The following SNRPD1 variants were observed in gnomAD, a reference collection of about 807,000 sequenced individuals.
The protein encoded by SNRPD1 is small nuclear ribonucleoprotein Sm D1.
A neutral mutation model predicts 14.4 loss-of-function variants in SNRPD1; 1 was observed. The observed-to-expected ratio is 0.07, with a 90% CI of 0.02 to 0.33. SNRPD1 has a LOEUF of 0.33. Among genes scored for constraint, SNRPD1 ranks in the 10% least tolerant of loss-of-function variants. The pLI is 1.00. For synonymous variants in SNRPD1, 42 were observed against 50.3 expected (o/e 0.83, Z 0.70); for missense variants, 52 against 146.4 (o/e 0.36, Z 3.33).
chr18:21,622,696 G>A (rs764175444), intron 1 of SNRPD1, 29 bp from the exon 2 acceptor site: 16 of 1,047,998 alleles, frequency 1.5e-5, no homozygotes, highest in Non-Finnish European at 2.4e-5. Context: ...AAGTGTTACA[G>A]GTAAAAATGG....
rs1451938720 is a variant in SNRPD1 at position 21,630,043 on chromosome 18, T to C, written c.*905T>C. Reference sequence around the variant, plus strand: ...TGTCTAGCTGCTAATGTCTTACTTTTGTTTCTTTTGCTTTTTAATCAGTTC... The same window carrying C: ...TGTCTAGCTGCTAATGTCTTACTTTCGTTTCTTTTGCTTTTTAATCAGTTC... On this transcript the variant is annotated 3_prime_UTR_variant, in exon 4 of 4. Transcript: ENST00000300413. 6.6e-6 allele frequency: 1 copy of C among 152,206 alleles called. No individual in the cohort carries two copies. Among genetic ancestry groups the C allele is most frequent in the South Asian group, 2.1e-4 (1 of 4,836 alleles). 9.4% of individuals were successfully genotyped at this position (152,206 alleles called of 1,614,324 possible). A position where few individuals can be genotyped will look rare whatever the true frequency, so the allele number is the denominator to read the frequency against.
Position 21,612,461 on chromosome 18 carries a change from C to T in SNRPD1, c.14+18C>T. 1 of 1,536,380 alleles carries T rather than the reference C, an allele frequency of 6.5e-7. No individual in the cohort carries two copies. Among genetic ancestry groups the T allele is most frequent in the African/African-American group, 1.4e-5 (1 of 72,104 alleles). On this transcript the variant is annotated intron_variant, in intron 1 of 3. Coordinates refer to ENST00000300413, the MANE Select transcript of SNRPD1 (RefSeq NM_006938.4). ...CTCGTGAGGTGAGGGAGTGACCAAG[C>T]AGCTCTGGGGGCTGTGAAGGGAGGG...
intron 2 of SNRPD1, among the ~76,000 whole-genome samples, chr18:21,623,087 C>T (rs778795013): frequency 7.9e-5 from 12 of 151,688 alleles, no homozygotes; most frequent in South Asian, 2.1e-4. Context: ...CCACCATGCC[C>T]GGGTAAATTT....
chr18:21,623,580 A>G, intron 2 of SNRPD1, among the ~76,000 whole-genome samples, 168 bp from the exon 3 acceptor site: 1 of 152,242 alleles, frequency 6.6e-6, no homozygotes, highest in Non-Finnish European at 1.5e-5. Context: ...CACTGCTGAC[A>G]TTCCCCCATT....
chr18:21,620,574 AT>A (rs2038990008), intron 1 of SNRPD1, among the ~76,000 whole-genome samples: 2 of 152,230 alleles, frequency 1.3e-5, no homozygotes, highest in African/African-American at 4.8e-5. Flanking sequence ...CTTACACTGC[AT>A]AAAAAAGATC....
At chr18:21,625,911 A>G (rs1045951395) in intron 3 of SNRPD1, among the ~76,000 whole-genome samples, 2 of 152,028 alleles carry the variant, frequency 1.3e-5, no homozygotes, top group Non-Finnish European at 2.9e-5. Context: ...GCCTGGCCCA[A>G]AATCTTTTAT....
chr18:21,626,003 A>G (rs2039035738), intron 3 of SNRPD1, among the ~76,000 whole-genome samples: 1 of 152,180 alleles, frequency 6.6e-6, no homozygotes, highest in Non-Finnish European at 1.5e-5. Context: ...ACTATTTCAG[A>G]AGAAATTGAA....
At chr18:21,627,503 G>A (rs980408366) in intron 3 of SNRPD1, among the ~76,000 whole-genome samples, 4 of 142,956 alleles carry the variant, frequency 2.8e-5, no homozygotes, top group Non-Finnish European at 4.5e-5. Context: ...GCCATGGCGC[G>A]ATCTCCACTC....
Position 21,617,280 on chromosome 18 carries a change from A to AC in SNRPD1, c.14+4841dup, listed in dbSNP as rs530302383. Among the ~76,000 whole-genome samples the AC allele has an allele frequency of 4.8e-4, 73 of 151,938 alleles. 2 individuals carry two copies. The South Asian group carries it at 0.015, about 31-fold the overall frequency. ...AGACCAGCCTGACCAACATGGTGAA[A>AC]CCCCGGCTCTACTAAAACAAAAAGA... On this transcript the variant is annotated intron_variant, in intron 1 of 3. Transcript: ENST00000300413.
chr18:21,625,636 A>T (rs531626870), intron 3 of SNRPD1, among the ~76,000 whole-genome samples: 1 of 147,804 alleles, frequency 6.8e-6, no homozygotes. Context: ...TTTGAGATGG[A>T]CTCTCACTCT....
intron 3 of SNRPD1, among the ~76,000 whole-genome samples, chr18:21,627,828 C>T (rs1160432379): frequency 1.3e-5 from 2 of 152,052 alleles, no homozygotes; most frequent in Non-Finnish European, 2.9e-5. Flanking sequence ...TATCTAGAGA[C>T]CTTTCTCACA....
intron 3 of SNRPD1, among the ~76,000 whole-genome samples, chr18:21,627,789 A>G (rs1433074802): frequency 6.6e-6 from 1 of 152,168 alleles, no homozygotes; most frequent in Non-Finnish European, 1.5e-5. Context: ...AAAAATTAGA[A>G]ATTTTACATT....
intron 1 of SNRPD1, among the ~76,000 whole-genome samples, chr18:21,618,768 A>T (rs967145770): frequency 4.6e-5 from 7 of 152,188 alleles, no homozygotes; most frequent in Non-Finnish European, 1.0e-4. Flanking sequence ...CAGACCAAGT[A>T]ATTTCTTTTT....
intron 3 of SNRPD1, among the ~76,000 whole-genome samples, chr18:21,628,319 G>T (rs2039055622): frequency 6.6e-6 from 1 of 152,184 alleles, no homozygotes; most frequent in African/African-American, 2.4e-5. Context: ...GTTCAAGGCT[G>T]CAGTGAGGTG....
intron 1 of SNRPD1, 149 bp from the exon 2 acceptor site, chr18:21,622,576 G>A: frequency 1.7e-6 from 1 of 583,966 alleles, no homozygotes; most frequent in South Asian, 2.3e-5. Flanking sequence ...TATAATTCAG[G>A]AAAGCTGAAA....
chr18:21,626,767 C>G (rs2039042487), intron 3 of SNRPD1, among the ~76,000 whole-genome samples: 3 of 147,974 alleles, frequency 2.0e-5, no homozygotes, highest in African/African-American at 7.5e-5. Flanking sequence ...GCCTGGACAA[C>G]AGAGAGAGAC....
At chr18:21,621,250 A>T (rs969135862) in intron 1 of SNRPD1, among the ~76,000 whole-genome samples, 2 of 152,228 alleles carry the variant, frequency 1.3e-5, no homozygotes, top group Non-Finnish European at 2.9e-5. Flanking sequence ...AAAAATTTGA[A>T]AGACTTATAG....
intron 1 of SNRPD1, among the ~76,000 whole-genome samples, chr18:21,621,822 C>T (rs1045393656): frequency 6.6e-6 from 1 of 152,130 alleles, no homozygotes. Context: ...GATGATCCGC[C>T]CTCCTCGGCC....
chr18:21,623,873 A>G lies in SNRPD1; in HGVS notation c.217A>G (p.Ser73Gly). The change falls in exon 3 of 4, where the codon AGT (serine) becomes GGT (glycine). Residue 73 changes from serine to glycine, a missense_variant. Physicochemically the swap from Ser to Gly is moderately conservative, Grantham distance 56. Coordinates refer to ENST00000300413, the MANE Select transcript of SNRPD1 (RefSeq NM_006938.4). The part of the protein sequence containing the change: ...NNIRYFILPD[S>G]LPLDTLLVDV... ...CATTCGGTATTTTATTCTACCAGAC[A>G]GTTTACCTCTGGATACACTACTTGT... 6.2e-7 allele frequency: 1 copy of G among 1,612,290 alleles called. No individual in the cohort carries two copies. Among genetic ancestry groups the G allele is most frequent in the Non-Finnish European group, 8.5e-7 (1 of 1,178,422 alleles).
Sources: gnomAD v4.1 joint callset for allele counts (sites outside exome capture counted in the v4.1 genomes callset) on GRCh38, gnomAD v4.1.1 for gene constraint, MANE v1.5 for transcripts, NCBI Gene and HGNC (gene_info 2026-07-23, HGNC 2026-07-21) for gene names.